Variants in SPIRE1 observed in about 807,000 individuals in gnomAD.
SPIRE1 encodes spire type actin nucleation factor 1.
Under a neutral mutation model 94.1 loss-of-function variants are expected in SPIRE1, and 40 were observed. That is an observed-to-expected ratio of 0.43 (90% CI 0.33 to 0.55). The LOEUF is 0.55. Among genes scored for constraint, SPIRE1 ranks in the 20% least tolerant of loss-of-function variants. SPIRE1 has a pLI of 0.06. For synonymous variants in SPIRE1, 376 were observed against 371.7 expected, an observed-to-expected ratio of 1.01 and a Z score of -0.13; for missense variants, 838 against 975.2, an observed-to-expected ratio of 0.86 and a Z score of 1.87.
At position 12,448,769 on chromosome 18, in the gene SPIRE1, G is replaced by A. The variant is rs758391193; in HGVS notation, c.*869C>T. 7.2e-5 allele frequency: 11 copies of A among 152,310 alleles called. No individual in the cohort carries two copies. The highest frequency in any genetic ancestry group is 3.4e-3 in the Middle Eastern group (1 of 294). 9.4% of individuals were successfully genotyped at this position (152,310 alleles called of 1,614,324 possible). On this transcript the variant is annotated 3_prime_UTR_variant, in exon 17 of 17. Transcript: ENST00000409402. This position sits in a 1 kb window ranked among gnomAD's most constrained non-coding sequence, Gnocchi z 4.4. ...ATGAGCTCCAGCTCATTTCTGCAGC[G>A]TGGCCAACAGCTGCCACTGTACACT...
intron 12 of SPIRE1, among the ~76,000 whole-genome samples, chr18:12,454,924 A>G (rs1389181028): frequency 1.3e-5 from 2 of 151,566 alleles, no homozygotes; most frequent in Non-Finnish European, 2.9e-5. Context: ...ATAAAAAGCA[A>G]ATCTACAGTG....
chr18:12,661,280 C>T (rs9949293), upstream of SPIRE1: 282,902 of 692,876 alleles, frequency 0.41, 59,003 homozygotes, highest in Non-Finnish European at 0.43. Flanking sequence ...TGCACCCCAG[C>T]CTGGGTGACA....
At chr18:12,634,262 A>ATAAT (rs1387814255) in intron 2 of SPIRE1, among the ~76,000 whole-genome samples, 1 of 12,734 alleles carries the variant, frequency 7.9e-5, no homozygotes, top group Non-Finnish European at 3.9e-4. Context: ...TAAAAATAAA[A>ATAAT]AAAAAAAAAA....
upstream of SPIRE1, among the ~76,000 whole-genome samples, chr18:12,660,256 T>G (rs1207450920): frequency 6.6e-6 from 1 of 151,864 alleles, no homozygotes; most frequent in African/African-American, 2.4e-5. Context: ...AAATCCAAAC[T>G]TTATCTTTTA....
chr18:12,557,417 C>T (rs1346201986), intron 2 of SPIRE1, among the ~76,000 whole-genome samples: 1 of 152,238 alleles, frequency 6.6e-6, no homozygotes, highest in Non-Finnish European at 1.5e-5. Context: ...TGCCCAGGGC[C>T]GTTGCTGCCA....
chr18:12,502,439 G>A (rs1414006463), intron 6 of SPIRE1, among the ~76,000 whole-genome samples: 1 of 152,020 alleles, frequency 6.6e-6, no homozygotes, highest in Non-Finnish European at 1.5e-5. Flanking sequence ...AACATTAAGT[G>A]CTCCCCCAAT....
chr18:12,602,271 G>A (rs1011179282), intron 2 of SPIRE1, among the ~76,000 whole-genome samples: 6 of 152,102 alleles, frequency 3.9e-5, no homozygotes, highest in Admixed American at 1.3e-4. Flanking sequence ...AAACAGATCA[G>A]TTGTAGTTTC....
At chr18:12,507,973 C>T (rs1430286520) in intron 5 of SPIRE1, among the ~76,000 whole-genome samples, 1 of 151,500 alleles carries the variant, frequency 6.6e-6, no homozygotes, top group Non-Finnish European at 1.5e-5. Context: ...GGTGAAACCC[C>T]GTCTCTACTA....
intron 2 of SPIRE1, among the ~76,000 whole-genome samples, chr18:12,626,508 AAC>A (rs1156952472): frequency 6.6e-6 from 1 of 152,212 alleles, no homozygotes; most frequent in African/African-American, 2.4e-5. Flanking sequence ...GGTTACATCT[AAC>A]AGGACTATAT....
chr18:12,609,325 A>G (rs1455498347), intron 2 of SPIRE1, among the ~76,000 whole-genome samples: 1 of 152,218 alleles, frequency 6.6e-6, no homozygotes, highest in Non-Finnish European at 1.5e-5. Context: ...AGGACTATCG[A>G]GAGCCAAGCT....
intron 4 of SPIRE1, among the ~76,000 whole-genome samples, chr18:12,522,152 G>A (rs1481516344): frequency 2.0e-5 from 3 of 152,208 alleles, no homozygotes; most frequent in Non-Finnish European, 4.4e-5. Flanking sequence ...CAGCCAAGTT[G>A]TGAATGCAAA....
intron 10 of SPIRE1, 60 bp downstream of exon 10, chr18:12,479,639 C>T: frequency 6.9e-7 from 1 of 1,449,892 alleles, no homozygotes; most frequent in Non-Finnish European, 9.3e-7. Context: ...CAGTAAACTG[C>T]ATCAGACAGC....
chr18:12,461,430 A>G (rs1017715068), intron 12 of SPIRE1, among the ~76,000 whole-genome samples: 54 of 135,742 alleles, frequency 4.0e-4, no homozygotes, highest in Admixed American at 7.3e-4. Flanking sequence ...GTGTGTGTGT[A>G]TGTATGTATA....
At chr18:12,488,306 C>A (rs79474680) in intron 8 of SPIRE1, among the ~76,000 whole-genome samples, 4,446 of 152,272 alleles carry the variant, frequency 0.029, 88 homozygotes, top group Non-Finnish European at 0.049. Flanking sequence ...TCTGTTGTCA[C>A]CAAAGATAAC....
intron 4 of SPIRE1, among the ~76,000 whole-genome samples, chr18:12,528,194 A>T (rs1190825757): frequency 6.6e-6 from 1 of 152,214 alleles, no homozygotes; most frequent in Non-Finnish European, 1.5e-5. Context: ...ACCTAAAAAG[A>T]CTACAAGAGA....
chr18:12,617,556 G>A (rs540535788), intron 2 of SPIRE1, among the ~76,000 whole-genome samples: 2 of 151,758 alleles, frequency 1.3e-5, no homozygotes, highest in East Asian at 1.9e-4. Flanking sequence ...GATTATAGGC[G>A]CCTGCCACCA....
chr18:12,568,527 G>A (rs1004707795), intron 2 of SPIRE1, among the ~76,000 whole-genome samples: 11 of 151,996 alleles, frequency 7.2e-5, no homozygotes, highest in African/African-American at 1.5e-4. Context: ...TTCTACCATC[G>A]CATCACAATC....
At chr18:12,489,186 T>A (rs2033145236) in intron 8 of SPIRE1, among the ~76,000 whole-genome samples, 1 of 152,096 alleles carries the variant, frequency 6.6e-6, no homozygotes, top group Non-Finnish European at 1.5e-5. Flanking sequence ...AGACTCCGTC[T>A]CAAAAAAGAA....
intron 2 of SPIRE1, among the ~76,000 whole-genome samples, chr18:12,622,974 T>C (rs2037517016): frequency 6.6e-6 from 1 of 152,198 alleles, no homozygotes; most frequent in South Asian, 2.1e-4. Flanking sequence ...AATGCAAAGA[T>C]GCATGTGACT....
Sources: gnomAD v4.1 joint callset for allele counts (sites outside exome capture counted in the v4.1 genomes callset) on GRCh38, gnomAD v4.1.1 for gene constraint, Gnocchi (gnomAD v3.1) non-coding constraint, MANE v1.5 for transcripts, NCBI Gene and HGNC (gene_info 2026-07-23, HGNC 2026-07-21) for gene names.